The following HHAT variants were observed in gnomAD, a reference collection of about 807,000 sequenced individuals.
The protein encoded by HHAT is hedgehog acyltransferase, also known as protein-cysteine N-palmitoyltransferase HHAT.
HHAT carries 47 observed loss-of-function variants against 70.8 expected under a neutral mutation model. The ratio of observed to expected loss-of-function variants is 0.66; its 90% confidence interval spans 0.53 to 0.85. HHAT has a LOEUF of 0.85. HHAT is among the 40% of genes least tolerant of loss of function. The probability of loss-of-function intolerance (pLI) is 0.00; values close to 1 mark genes in which losing one functional copy is unlikely to be tolerated. For synonymous variants in HHAT, 228 were observed against 247.6 expected (o/e 0.92, Z 0.74); for missense variants, 609 against 604.8 (o/e 1.01, Z -0.07).
rs185248287 is a variant in HHAT, at chr1:210,544,897, C to A, written c.1043+31709C>A. ...TTATCTCTGATACCTCCTTCGTCCT[C>A]ACCCCTAAATTCCCAGGTCTGTTGA... On this transcript the variant is annotated intron_variant, in intron 9 of 11. Transcript: ENST00000261458. 2.0e-5 allele frequency among the ~76,000 whole-genome samples: 3 copies of A among 152,256 alleles called. No homozygotes were observed. The East Asian group carries it at 5.8e-4, about 29-fold the overall frequency.
intron 7 of HHAT, among the ~76,000 whole-genome samples, chr1:210,459,345 G>A (rs1437195288): frequency 6.6e-6 from 1 of 152,138 alleles, no homozygotes; most frequent in Admixed American, 6.5e-5. Context: ...GGTATAAGGT[G>A]AATTATTCAT....
chr1:210,650,210 A>C (rs773238386), intron 11 of HHAT, among the ~76,000 whole-genome samples: 12 of 152,212 alleles, frequency 7.9e-5, no homozygotes, highest in Non-Finnish European at 1.6e-4. Context: ...GATGGCTCCT[A>C]TTCTCATAAT....
intron 11 of HHAT, among the ~76,000 whole-genome samples, chr1:210,658,427 A>G (rs1676927951): frequency 6.6e-6 from 1 of 152,180 alleles, no homozygotes; most frequent in African/African-American, 2.4e-5. Context: ...TCATCCATCA[A>G]CTGCTACTTC....
chr1:210,634,269 G>A (rs1671439157), intron 11 of HHAT, among the ~76,000 whole-genome samples: 2 of 152,110 alleles, frequency 1.3e-5, no homozygotes, highest in Non-Finnish European at 2.9e-5. Flanking sequence ...CCTGCTTGGG[G>A]GAGGCCAAGC....
intron 8 of HHAT, among the ~76,000 whole-genome samples, chr1:210,491,061 C>G (rs200694753): frequency 2.7e-5 from 2 of 73,398 alleles, no homozygotes; most frequent in African/African-American, 6.2e-5. Context: ...CACACACACA[C>G]ATAGTGTGTG....
intron 6 of HHAT, among the ~76,000 whole-genome samples, chr1:210,407,173 A>G (rs2092364434): frequency 6.6e-6 from 1 of 152,218 alleles, no homozygotes; most frequent in African/African-American, 2.4e-5. Flanking sequence ...CTTATCTTGC[A>G]GTGAAAGGGT....
chr1:210,588,238 G>A (rs1660918249), intron 10 of HHAT, 139 bp downstream of exon 10: 2 of 659,170 alleles, frequency 3.0e-6, no homozygotes, highest in South Asian at 3.9e-5. Context: ...ATGCCTAGAG[G>A]CAAGACAGCT....
At chr1:210,491,906 A>G (rs2094557976) in intron 8 of HHAT, among the ~76,000 whole-genome samples, 1 of 151,902 alleles carries the variant, frequency 6.6e-6, no homozygotes, top group South Asian at 2.1e-4. Flanking sequence ...GGGACTATAG[A>G]TGCACACCAC....
intron 2 of HHAT, 98 bp downstream of exon 2, chr1:210,349,164 T>C (rs2086792330): frequency 5.5e-6 from 7 of 1,275,320 alleles, no homozygotes; most frequent in Non-Finnish European, 7.6e-6. Flanking sequence ...TCCAATAGTG[T>C]CAAGATGATG....
At chr1:210,608,964 G>T (rs1666059973) in intron 10 of HHAT, among the ~76,000 whole-genome samples, 1 of 152,162 alleles carries the variant, frequency 6.6e-6, no homozygotes, top group Non-Finnish European at 1.5e-5. Flanking sequence ...AAAAGAGGAA[G>T]TGCCAAGCGA....
At chr1:210,664,077 C>G (rs1009976585) in intron 11 of HHAT, among the ~76,000 whole-genome samples, 2 of 152,212 alleles carry the variant, frequency 1.3e-5, no homozygotes, top group Non-Finnish European at 2.9e-5. Flanking sequence ...CTGTCCATCT[C>G]CCCCACGTTT....
At chr1:210,436,306 T>C (rs2093373295) in intron 7 of HHAT, among the ~76,000 whole-genome samples, 1 of 151,748 alleles carries the variant, frequency 6.6e-6, no homozygotes, top group Non-Finnish European at 1.5e-5. Flanking sequence ...TCTATCCTAT[T>C]GCATTGATCT....
At chr1:210,431,694 C>G (rs1371254494) in intron 7 of HHAT, among the ~76,000 whole-genome samples, 2 of 151,692 alleles carry the variant, frequency 1.3e-5, no homozygotes, top group African/African-American at 4.9e-5. Context: ...ATAATCATCC[C>G]ATGATTAGTT....
intron 9 of HHAT, among the ~76,000 whole-genome samples, chr1:210,573,858 A>G (rs895951230): frequency 1.2e-4 from 18 of 152,212 alleles, no homozygotes; most frequent in African/African-American, 3.1e-4. Flanking sequence ...TAGCTGGAGA[A>G]TCATCTTTTG....
intron 7 of HHAT, among the ~76,000 whole-genome samples, chr1:210,451,461 T>C (rs2093755641): frequency 6.6e-6 from 1 of 152,244 alleles, no homozygotes; most frequent in African/African-American, 2.4e-5. Context: ...TTTTCTTTTC[T>C]ATACCTGAAA....
At position 210,382,490 on chromosome 1, in the gene HHAT, G is replaced by A. The variant is rs150713356; in HGVS notation, c.160-4978G>A. On this transcript the variant is annotated intron_variant, in intron 3 of 11. Coordinates refer to ENST00000261458, the MANE Select transcript of HHAT (RefSeq NM_018194.6). Reference sequence around the variant, plus strand: ...GTTCCTGCTCCTCGCCATTTTAAAGGCTTGCTGAATGTTGGGCATCTAGGA... The same window carrying A: ...GTTCCTGCTCCTCGCCATTTTAAAGACTTGCTGAATGTTGGGCATCTAGGA... Among the ~76,000 whole-genome samples the A allele has an allele frequency of 6.6e-5, 10 of 152,256 alleles. No homozygotes were observed. In the East Asian group the frequency reaches 1.9e-3, roughly 29 times the overall value.
chr1:210,373,332 C>A (rs2089750271), intron 3 of HHAT, among the ~76,000 whole-genome samples: 1 of 152,072 alleles, frequency 6.6e-6, no homozygotes, highest in Non-Finnish European at 1.5e-5. Context: ...GAAAACATTT[C>A]CTTCTCTCAG....
At chr1:210,490,509 A>C (rs1285972628) in intron 8 of HHAT, among the ~76,000 whole-genome samples, 1 of 152,180 alleles carries the variant, frequency 6.6e-6, no homozygotes, top group Non-Finnish European at 1.5e-5. Flanking sequence ...GAAGCTCAAA[A>C]ATCAAACCTA....
intron 9 of HHAT, among the ~76,000 whole-genome samples, chr1:210,587,518 C>A (rs924153483): frequency 6.6e-6 from 1 of 152,216 alleles, no homozygotes; most frequent in Admixed American, 6.5e-5. Flanking sequence ...CAAACCATAT[C>A]ACCTGCCTTG....
Sources: allele counts gnomAD v4.1 joint callset (sites outside exome capture counted in the v4.1 genomes callset), GRCh38; gene constraint gnomAD v4.1.1; transcripts MANE v1.5; gene names NCBI Gene and HGNC (gene_info 2026-07-23, HGNC 2026-07-21).